The following CKB variants were observed in gnomAD, a reference collection of about 807,000 sequenced individuals.
CKB encodes the protein creatine kinase B, also known as creatine kinase B-type.
CKB carries 15 observed loss-of-function variants against 36.9 expected under a neutral mutation model. The observed-to-expected ratio is 0.41, with a 90% CI of 0.27 to 0.63. The LOEUF (loss-of-function observed/expected upper bound fraction) is 0.63, where lower values mean the gene tolerates loss of function less well. Among genes scored for constraint, CKB ranks in the 20% least tolerant of loss-of-function variants. CKB has a pLI of 0.34. For synonymous variants in CKB, 250 were observed against 228.2 expected (o/e 1.10, Z -0.86); for missense variants, 413 against 534.9 (o/e 0.77, Z 2.25).
Position 103,521,414 on chromosome 14 carries a change from C to A in CKB, c.502G>T (p.Asp168Tyr), listed in dbSNP as rs1298678380. The A allele has an allele frequency of 5.6e-6, 9 of 1,602,538 alleles. No homozygotes were observed. Among genetic ancestry groups the A allele is most frequent in the Non-Finnish European group, 7.6e-6 (9 of 1,178,500 alleles). The change falls in exon 5 of 8, where the codon GAC (aspartate) becomes TAC (tyrosine). Residue 168 changes from aspartate (D) to tyrosine (Y), a missense_variant. By Grantham distance (160) the Asp-to-Tyr change is radical (BLOSUM62 -3). Transcript: ENST00000348956. The part of the protein sequence containing the change: ...AVEALSSLDG[D>Y]LAGRYYALKS... The stretch of plus-strand genomic sequence containing the variant: ...AGCGCGTAGTATCGGCCCGCCAGGT[C>A]GCCGTCCAGGCTGGACAGGGCTGCG...
chr14:103,520,631 GC>G (rs1566962293), intron 5 of CKB, 39 bp from the exon 6 acceptor site: 2 of 1,580,978 alleles, frequency 1.3e-6, no homozygotes, highest in Admixed American at 3.6e-5. Flanking sequence ...CCAGAAAAAA[GC>G]CCCAGGCCGC....
At chr14:103,521,040 C>A in intron 5 of CKB, 1 of 684,486 alleles carries the variant, frequency 1.5e-6, no homozygotes, top group Non-Finnish European at 2.6e-6. Flanking sequence ...AGTCCTGAGC[C>A]CCCACGGGCC....
Position 103,520,019 on chromosome 14 carries a change from C to T in CKB, c.991G>A (p.Gly331Ser). Residue 331 changes from glycine (G) to serine (S), a missense_variant, in exon 8 of 8, where the codon GGC becomes AGC. Transcript: ENST00000348956. ...GTGGVDTAAV[G>S]GVFDVSNADR... ...GCGTTGGAGACGTCGAAGACCCCGC[C>T]CACCGCAGCCGTGTCCACACCGCCT... 1 of 1,610,364 alleles carries T rather than the reference C, an allele frequency of 6.2e-7. No homozygotes were observed. Among genetic ancestry groups the T allele is most frequent in the Non-Finnish European group, 8.5e-7 (1 of 1,179,902 alleles).
At position 103,520,180 on chromosome 14, in the gene CKB, G is replaced by A; in HGVS notation, c.909C>T (p.Gly303=). The change falls in exon 7 of 8, where the codon GGC becomes GGT. Residue 303 remains glycine, a synonymous_variant. Coordinates refer to ENST00000348956, the MANE Select transcript of CKB (RefSeq NM_001823.5). ...GCACCTCCGAGAACTTCTCATGCTT[G>A]CCCAGGTTGGGCAGCTTGATATGCA... ...AGVHIKLPNL[G]KHEKFSEVLK... The A allele has an allele frequency of 6.2e-7, 1 of 1,612,410 alleles. No individual in the cohort carries two copies. Among genetic ancestry groups the A allele is most frequent in the African/African-American group, 1.3e-5 (1 of 75,012 alleles).
rs926250979 is a variant in CKB at position 103,522,470 on chromosome 14, G to A, written c.24C>T (p.Asn8=). The A allele has an allele frequency of 8.1e-6, 13 of 1,606,520 alleles. No individual in the cohort carries two copies. Among genetic ancestry groups the A allele is most frequent in the African/African-American group, 1.4e-5 (1 of 73,812 alleles). The change falls in exon 2 of 8, where the codon AAC becomes AAT. Residue 8 remains asparagine, a synonymous_variant. Coordinates refer to ENST00000348956, the MANE Select transcript of CKB (RefSeq NM_001823.5). This position sits in a 1 kb window ranked among gnomAD's most constrained non-coding sequence, Gnocchi z 6.7. ...CGGCCGGGAAGCGCAGCTTCAGTGC[G>A]TTGTGGCTGTTGGAGAAGGGCATGG... is the stretch of plus-strand genomic sequence containing the variant. The part of the protein sequence containing the change: MPFSNSH[N]ALKLRFPAED...
Position 103,521,416 on chromosome 14 carries a change from C to G in CKB, c.500G>C (p.Gly167Ala). ...CGCGTAGTATCGGCCCGCCAGGTCG[C>G]CGTCCAGGCTGGACAGGGCTGCGAG... is the stretch of plus-strand genomic sequence containing the variant. The part of the protein sequence containing the change: ...LAVEALSSLD[G>A]DLAGRYYALK... The change falls in exon 5 of 8, where the codon GGC (glycine) becomes GCC (alanine). Residue 167 changes from glycine (G) to alanine (A), a missense_variant. This residue lies in a region of CKB where 314 missense variants were observed against 409.4 expected (regional missense o/e 0.77). Transcript: ENST00000348956. 6.2e-7 allele frequency: 1 copy of G among 1,602,310 alleles called. No homozygotes were observed. Among genetic ancestry groups the G allele is most frequent in the South Asian group, 1.1e-5 (1 of 90,592 alleles).
Position 103,522,067 on chromosome 14 carries a change from G to T in CKB, c.304C>A (p.Pro102Thr), listed in dbSNP as rs773543686. The T allele has an allele frequency of 1.9e-6, 3 of 1,558,694 alleles. No individual in the cohort carries two copies. The African/African-American group carries it at 4.1e-5, about 21-fold the overall frequency. Residue 102 changes from proline to threonine, a missense_variant, in exon 3 of 8, where the codon CCC (proline) becomes ACC (threonine). By Grantham distance (38) the Pro-to-Thr change is conservative. Transcript: ENST00000348956. This position sits in a 1 kb window ranked among gnomAD's most constrained non-coding sequence, Gnocchi z 6.7. ...IIEDRHGGYK[P>T]SDEHKTDLNP... ...AGGTCGGTCTTGTGCTCATCGCTGG[G>T]CTTGTAGCCGCCGTGCCGGTCCTCG... is the stretch of plus-strand genomic sequence containing the variant.
In CKB at chr14:103,522,622, A is replaced by T; in HGVS notation, c.-12-117T>A. The T allele has an allele frequency of 1.6e-6, 1 of 632,250 alleles. No homozygotes were observed. The highest frequency in any genetic ancestry group is 2.2e-6 in the Non-Finnish European group (1 of 455,702). The allele number at this position is 632,250 out of a possible 1,614,324, so 39.2% of individuals were successfully genotyped here. On this transcript the variant is annotated intron_variant, in intron 1 of 7. Transcript: ENST00000348956. This position sits in a 1 kb window ranked among gnomAD's most constrained non-coding sequence, Gnocchi z 6.7. ...CGCCCCCCGGGACGCGGCCAAGGTCAGCGGGGTCCGCAGCGCGCGCGGGGA... is the reference window on the plus strand; with the variant it reads ...CGCCCCCCGGGACGCGGCCAAGGTCTGCGGGGTCCGCAGCGCGCGCGGGGA...
chr14:103,522,823 A>AG lies in CKB; in HGVS notation c.-71dup, dbSNP rs1391997806. The AG allele has an allele frequency of 6.6e-6, 1 of 151,050 alleles. No individual in the cohort carries two copies. Among genetic ancestry groups the AG allele is most frequent in the African/African-American group, 2.4e-5 (1 of 41,250 alleles). 9.4% of individuals were successfully genotyped at this position (151,050 alleles called of 1,614,324 possible). Reference sequence around the variant, plus strand: ...CCGTCGGCAGCTCCCGGAGCGACGCAGGCGAACAGCGGCCGCTCCGCGCTC... The same window carrying AG: ...CCGTCGGCAGCTCCCGGAGCGACGCAGGGCGAACAGCGGCCGCTCCGCGCTC... On this transcript the variant is annotated 5_prime_UTR_variant, in exon 1 of 8. Transcript: ENST00000348956. This position sits in a 1 kb window ranked among gnomAD's most constrained non-coding sequence, Gnocchi z 6.7.
chr14:103,522,094 T>A lies in CKB; in HGVS notation c.277A>T (p.Ile93Phe). ...TTGTAGCCGCCGTGCCGGTCCTCGA[T>A]GATGGGGTCGAAGAGATCCTTGAAC... ...EVFKDLFDPIIEDRHGGYKPS... is the reference protein window; with the variant it reads ...EVFKDLFDPIFEDRHGGYKPS... Residue 93 changes from isoleucine to phenylalanine, a missense_variant, in exon 3 of 8, where the codon ATC becomes TTC. Ile to Phe is a conservative substitution (Grantham distance 21, BLOSUM62 0). Around this residue, in one of 3 missense-constraint regions of CKB, gnomAD observed 314 missense variants for 409.4 expected, o/e 0.77. Transcript: ENST00000348956. The surrounding 1 kb of genome is among the most constrained non-coding windows in gnomAD (Gnocchi z 6.7). The A allele has an allele frequency of 6.3e-7, 1 of 1,577,274 alleles. No individual in the cohort carries two copies.
intron 5 of CKB, 115 bp downstream of exon 5, chr14:103,521,148 T>C (rs1566962521): frequency 9.3e-6 from 6 of 642,418 alleles, no homozygotes; most frequent in Non-Finnish European, 1.3e-5. Context: ...GGCCCCTCCC[T>C]CCTCCTCCTC....
chr14:103,522,774 C>A lies in CKB; in HGVS notation c.-21G>T, dbSNP rs2075913912. 1 of 149,998 alleles carries A rather than the reference C, an allele frequency of 6.7e-6. No individual in the cohort carries two copies. The highest frequency in any genetic ancestry group is 2.1e-4 in the South Asian group (1 of 4,806). 9.3% of individuals were successfully genotyped at this position (149,998 alleles called of 1,614,324 possible). On this transcript the variant is annotated 5_prime_UTR_variant, in exon 1 of 8. Transcript: ENST00000348956. This position sits in a 1 kb window ranked among gnomAD's most constrained non-coding sequence, Gnocchi z 6.7. Reference sequence around the variant, plus strand: ...CCCCCGGGCCCACTCACCGGGCGGCCGGGCGGGGGCGGGGGCGCTCCGTCC... The same window carrying A: ...CCCCCGGGCCCACTCACCGGGCGGCAGGGCGGGGGCGGGGGCGCTCCGTCC...
rs1279813059 is a variant in CKB at position 103,522,410 on chromosome 14, G to A, written c.84C>T (p.Asn28=). 3.7e-6 allele frequency: 6 copies of A among 1,610,180 alleles called. No homozygotes were observed. Among genetic ancestry groups the A allele is most frequent in the Non-Finnish European group, 5.1e-6 (6 of 1,178,758 alleles). ...DEFPDLSAHN[N]HMAKVLTPEL... ...CGGGGGTCAGCACCTTGGCCATGTG[G>A]TTGTTGTGGGCGCTCAGGTCGGGGA... The change falls in exon 2 of 8, where the codon AAC becomes AAT. Residue 28 remains asparagine, a synonymous_variant. Coordinates refer to ENST00000348956, the MANE Select transcript of CKB (RefSeq NM_001823.5). The surrounding 1 kb of genome is among the most constrained non-coding windows in gnomAD (Gnocchi z 6.7).
chr14:103,519,768 G>A lies in CKB; in HGVS notation c.*96C>T. Reference sequence around the variant, plus strand: ...CGGAAGTCTCTACAGCAAGGCTAAGGGCTCGCCAGACGGCGAACATCAGGG... The same window carrying A: ...CGGAAGTCTCTACAGCAAGGCTAAGAGCTCGCCAGACGGCGAACATCAGGG... On this transcript the variant is annotated 3_prime_UTR_variant, in exon 8 of 8. Transcript: ENST00000348956. The A allele has an allele frequency of 7.2e-7, 1 of 1,395,702 alleles. No homozygotes were observed. The highest frequency in any genetic ancestry group is 9.7e-7 in the Non-Finnish European group (1 of 1,033,140). The allele number at this position is 1,395,702 out of a possible 1,614,324, so 86.5% of individuals were successfully genotyped here.
rs751425663 is a variant in CKB at position 103,522,155 on chromosome 14, C to T, written c.216G>A (p.Val72=). 1.9e-6 allele frequency: 3 copies of T among 1,604,774 alleles called. No individual in the cohort carries two copies. Among genetic ancestry groups the T allele is most frequent in the Non-Finnish European group, 2.6e-6 (3 of 1,176,416 alleles). The part of the protein sequence containing the change: ...DNPGHPYIMT[V]GCVAGDEESY... ...ACTCCTCGTCGCCCGCCACGCAGCCCACGGTCATGATGTACGGGTGGCCTG... is the reference window on the plus strand; with the variant it reads ...ACTCCTCGTCGCCCGCCACGCAGCCTACGGTCATGATGTACGGGTGGCCTG... Residue 72 remains valine, a synonymous_variant, in exon 3 of 8, where the codon GTG becomes GTA. Coordinates refer to ENST00000348956, the MANE Select transcript of CKB (RefSeq NM_001823.5). This position sits in a 1 kb window ranked among gnomAD's most constrained non-coding sequence, Gnocchi z 6.7.
chr14:103,520,157 A>G lies in CKB; in HGVS notation c.932T>C (p.Val311Ala). The G allele has an allele frequency of 1.2e-6, 2 of 1,607,388 alleles. No homozygotes were observed. The highest frequency in any genetic ancestry group is 1.7e-6 in the Non-Finnish European group (2 of 1,176,584). ...NLGKHEKFSE[V>A]LKRLRLQKRG... The stretch of plus-strand genomic sequence containing the variant: ...CTTCTGAAGTCGCAGCCGCTTAAGC[A>G]CCTCCGAGAACTTCTCATGCTTGCC... The change falls in exon 7 of 8, where the codon GTG (valine) becomes GCG (alanine). Residue 311 changes from valine to alanine, a missense_variant. Val to Ala is a moderately conservative substitution (Grantham distance 64, BLOSUM62 0). Coordinates refer to ENST00000348956, the MANE Select transcript of CKB (RefSeq NM_001823.5).
chr14:103,522,564 T>C lies in CKB; in HGVS notation c.-12-59A>G. 4 of 475,280 alleles carry C rather than the reference T, an allele frequency of 8.4e-6. No individual in the cohort carries two copies. Among genetic ancestry groups the C allele is most frequent in the East Asian group, 1.0e-4 (1 of 9,720 alleles). The allele number at this position is 475,280 out of a possible 1,614,324, so 29.4% of individuals were successfully genotyped here. ...ACGCCGGGGTTCCCGGGCTCCCGCG[T>C]ACCACTCAGGCCCCCGCCGCCGGGC... On this transcript the variant is annotated intron_variant, in intron 1 of 7. Transcript: ENST00000348956. The surrounding 1 kb of genome is among the most constrained non-coding windows in gnomAD (Gnocchi z 6.7).
In CKB at chr14:103,519,668, G is replaced by A. The variant is rs1429174257; in HGVS notation, c.*196C>T. On this transcript the variant is annotated 3_prime_UTR_variant, in exon 8 of 8. Coordinates refer to ENST00000348956, the MANE Select transcript of CKB (RefSeq NM_001823.5). The stretch of plus-strand genomic sequence containing the variant: ...AAGGAGAGGCACCACTCAGACGCAG[G>A]CAGGCCAAAACCCTAGTTTATTTCA... The A allele has an allele frequency of 8.4e-6, 5 of 594,708 alleles. No homozygotes were observed. Among genetic ancestry groups the A allele is most frequent in the Non-Finnish European group, 1.4e-5 (5 of 366,908 alleles). 36.8% of individuals were successfully genotyped at this position (594,708 alleles called of 1,614,324 possible).
Position 103,519,779 on chromosome 14 carries a change from CG to C in CKB, c.*84del. 6.9e-7 allele frequency: 1 copy of C among 1,451,640 alleles called. No homozygotes were observed. Among genetic ancestry groups the C allele is most frequent in the Non-Finnish European group, 9.2e-7 (1 of 1,082,934 alleles). The allele number at this position is 1,451,640 out of a possible 1,614,324, so 89.9% of individuals were successfully genotyped here. ...ACAGCAAGGCTAAGGGCTCGCCAGA[CG>C]GCGAACATCAGGGGTGCATGGTGGG... On this transcript the variant is annotated 3_prime_UTR_variant, in exon 8 of 8. Transcript: ENST00000348956.
Sources: gnomAD v4.1 joint callset for allele counts on GRCh38, gnomAD v4.1.1 for gene constraint, gnomAD v4.1.1 regional missense constraint, Gnocchi (gnomAD v3.1) non-coding constraint, MANE v1.5 for transcripts, NCBI Gene and HGNC (gene_info 2026-07-23, HGNC 2026-07-21) for gene names.